The following WDR72 variants were observed in gnomAD, a reference collection of about 807,000 sequenced individuals.
WDR72 encodes WD repeat domain 72.
Under a neutral mutation model 124.2 loss-of-function variants are expected in WDR72, and 120 were observed. That is an observed-to-expected ratio of 0.97 (90% confidence interval 0.83 to 1.12). WDR72 has a LOEUF of 1.12. WDR72 is among the 50% of genes most tolerant of loss of function. WDR72 has a pLI of 0.00. For synonymous variants in WDR72, 452 were observed against 441.7 expected (o/e 1.02, Z -0.29); for missense variants, 1,387 against 1,278.8 (o/e 1.08, Z -1.29).
chr15:53,707,365 C>A (rs1307838057), intron 9 of WDR72, among the ~76,000 whole-genome samples: 1 of 152,110 alleles, frequency 6.6e-6, no homozygotes, highest in African/African-American at 2.4e-5. Flanking sequence ...CCAAGGTCAT[C>A]CAACCAAGAC....
intron 14 of WDR72, among the ~76,000 whole-genome samples, chr15:53,642,427 T>C (rs1350593149): frequency 6.6e-6 from 1 of 152,026 alleles, no homozygotes. Context: ...AAAAACAATA[T>C]ATACATGCAC....
intron 14 of WDR72, among the ~76,000 whole-genome samples, chr15:53,626,088 C>T (rs77922242): frequency 0.017 from 2,654 of 152,206 alleles, 81 homozygotes; most frequent in African/African-American, 0.061. Context: ...CTACTGTTAC[C>T]GGGGGTCCTT....
At position 53,672,152 on chromosome 15, in the gene WDR72, T is replaced by C. The variant is rs559613455; in HGVS notation, c.1766-6384A>G. ...TTTACTTCTACTGCTTCCTACCTAA[T>C]AGGGGCCCTAATAAGAATGGGGCAG... is the stretch of plus-strand genomic sequence containing the variant. On this transcript the variant is annotated intron_variant, in intron 13 of 19. Transcript: ENST00000360509. 1.1e-4 allele frequency among the ~76,000 whole-genome samples: 16 copies of C among 152,174 alleles called. No individual in the cohort carries two copies. The South Asian group carries it at 3.1e-3, about 30-fold the overall frequency.
intron 18 of WDR72, among the ~76,000 whole-genome samples, chr15:53,539,090 C>T (rs1183144328): frequency 6.6e-6 from 1 of 152,008 alleles, no homozygotes; most frequent in African/African-American, 2.4e-5. Flanking sequence ...AATAAAGTAA[C>T]ATACTTAAAA....
intron 18 of WDR72, among the ~76,000 whole-genome samples, chr15:53,558,374 T>C (rs895327442): frequency 1.3e-5 from 2 of 152,020 alleles, no homozygotes; most frequent in African/African-American, 4.8e-5. Context: ...ACAACTGTGG[T>C]ATAAGAAAGT....
chr15:53,558,695 C>A (rs62005912), intron 18 of WDR72, among the ~76,000 whole-genome samples: 33,134 of 151,836 alleles, frequency 0.22, 3,691 homozygotes, highest in African/African-American at 0.26. Context: ...TAAGAAAGAA[C>A]CCTGTAATGT....
At chr15:53,537,766 CATTTT>C (rs767214365) in intron 18 of WDR72, among the ~76,000 whole-genome samples, 4 of 152,072 alleles carry the variant, frequency 2.6e-5, no homozygotes, top group Non-Finnish European at 5.9e-5. Flanking sequence ...AAGGTCAAGA[CATTTT>C]ATTTTATTTT....
chr15:53,718,549 T>TTTGCC (rs1231036854), intron 3 of WDR72, among the ~76,000 whole-genome samples: 1 of 152,094 alleles, frequency 6.6e-6, no homozygotes. Flanking sequence ...CAATTTTGCT[T>TTTGCC]AATAAAAGAA....
chr15:53,710,525 AC>A (rs986437450), intron 9 of WDR72, among the ~76,000 whole-genome samples: 31 of 152,370 alleles, frequency 2.0e-4, no homozygotes, highest in African/African-American at 7.5e-4. Flanking sequence ...GTAAATACAT[AC>A]AACAAAGTAA....
intron 14 of WDR72, among the ~76,000 whole-genome samples, chr15:53,625,866 G>A (rs2014185865): frequency 6.6e-6 from 1 of 151,640 alleles, no homozygotes; most frequent in Non-Finnish European, 1.5e-5. Flanking sequence ...ACAAAGAAGT[G>A]TACTGATTTA....
chr15:53,643,755 T>G (rs1010105293), intron 14 of WDR72, among the ~76,000 whole-genome samples: 1 of 151,902 alleles, frequency 6.6e-6, no homozygotes, highest in Admixed American at 6.6e-5. Flanking sequence ...CGTGTGTGTG[T>G]AGAAAGAGAA....
intron 18 of WDR72, among the ~76,000 whole-genome samples, chr15:53,552,714 AAGAAT>A (rs1325167566): frequency 7.2e-5 from 11 of 152,150 alleles, no homozygotes; most frequent in Non-Finnish European, 1.5e-4. Context: ...TATCATATAG[AAGAAT>A]AGAAGACTGC....
intron 18 of WDR72, among the ~76,000 whole-genome samples, chr15:53,584,267 T>G (rs930826961): frequency 6.6e-6 from 1 of 151,826 alleles, no homozygotes; most frequent in Non-Finnish European, 1.5e-5. Flanking sequence ...TGACCAACCA[T>G]AAAGAAAGAG....
chr15:53,698,664 C>A (rs956679550), intron 13 of WDR72, among the ~76,000 whole-genome samples: 28 of 152,148 alleles, frequency 1.8e-4, no homozygotes, highest in Non-Finnish European at 1.3e-4. Flanking sequence ...TTAACTGTTG[C>A]TCAAATCAAG....
intron 18 of WDR72, among the ~76,000 whole-genome samples, chr15:53,535,141 C>T (rs1259653721): frequency 6.6e-6 from 1 of 152,090 alleles, no homozygotes; most frequent in Non-Finnish European, 1.5e-5. Flanking sequence ...TAAAAGAATA[C>T]TGAATTATGG....
chr15:53,656,048 A>T lies in WDR72; in HGVS notation c.1962+9524T>A, dbSNP rs576383047. 3.9e-5 allele frequency among the ~76,000 whole-genome samples: 6 copies of T among 152,332 alleles called. No homozygotes were observed. The South Asian group carries it at 1.2e-3, about 32-fold the overall frequency. On this transcript the variant is annotated intron_variant, in intron 14 of 19. Transcript: ENST00000360509. ...ATCAGGTTTTGGGCAATATGCGAAGACATAGAACAACTACAATTTTCAGTC... is the reference window on the plus strand; with the variant it reads ...ATCAGGTTTTGGGCAATATGCGAAGTCATAGAACAACTACAATTTTCAGTC...
intron 2 of WDR72, among the ~76,000 whole-genome samples, chr15:53,725,898 C>A (rs556354068): frequency 1.3e-5 from 2 of 151,836 alleles, no homozygotes; most frequent in East Asian, 1.9e-4. Context: ...ACAGGACGAA[C>A]CTCGTATCTA....
At chr15:53,716,045 A>G (rs112300417) in intron 4 of WDR72, among the ~76,000 whole-genome samples, 5 of 152,314 alleles carry the variant, frequency 3.3e-5, no homozygotes, top group African/African-American at 7.2e-5. Context: ...TGAATGTTAC[A>G]ATGCACATCA....
intron 14 of WDR72, among the ~76,000 whole-genome samples, chr15:53,644,601 GT>G (rs1351115376): frequency 6.7e-6 from 1 of 150,108 alleles, no homozygotes; most frequent in African/African-American, 2.5e-5. Flanking sequence ...GAAACCATTG[GT>G]GGAATAATAG....
Sources: gnomAD v4.1 joint callset for allele counts (sites outside exome capture counted in the v4.1 genomes callset) on GRCh38, gnomAD v4.1.1 for gene constraint, MANE v1.5 for transcripts, NCBI Gene and HGNC (gene_info 2026-07-23, HGNC 2026-07-21) for gene names.